Variants in ANP32A observed in about 807,000 individuals in gnomAD.
ANP32A encodes acidic nuclear phosphoprotein 32 family member A.
Under a neutral mutation model 33.9 loss-of-function variants are expected in ANP32A, and 1 was observed. The observed-to-expected ratio is 0.03, with a 90% confidence interval of 0.01 to 0.14. The LOEUF is 0.14. Among genes scored for constraint, ANP32A ranks in the 10% least tolerant of loss-of-function variants. The pLI, the probability that ANP32A is intolerant of heterozygous loss-of-function variation, is 1.00. For synonymous variants in ANP32A, 115 were observed against 120.5 expected (o/e 0.95, Z 0.30); for missense variants, 155 against 306.0 (o/e 0.51, Z 3.68).
chr15:68,818,589 C>A (rs1189472686), intron 1 of ANP32A, among the ~76,000 whole-genome samples: 1 of 151,906 alleles, frequency 6.6e-6, no homozygotes, highest in East Asian at 2.0e-4. Context: ...AGAAATCGCT[C>A]CCAGTACGGC....
At chr15:68,783,359 G>C (rs1046008939) in intron 4 of ANP32A, among the ~76,000 whole-genome samples, 1 of 151,796 alleles carries the variant, frequency 6.6e-6, no homozygotes, top group Non-Finnish European at 1.5e-5. Context: ...TCCAGGGCCC[G>C]GGAAAGCGGC....
rs558067552 is a variant in ANP32A, at chr15:68,797,450, G to A, written c.55-9531C>T. Among the ~76,000 whole-genome samples the A allele has an allele frequency of 1.1e-4, 17 of 152,272 alleles. No homozygotes were observed. The South Asian group carries it at 3.5e-3, about 32-fold the overall frequency. ...AAGACCAAGGCCTAGAGAGCAAAGAGGGTAAATCCTGCTCAATCTTCCTAA... is the reference window on the plus strand; with the variant it reads ...AAGACCAAGGCCTAGAGAGCAAAGAAGGTAAATCCTGCTCAATCTTCCTAA... On this transcript the variant is annotated intron_variant, in intron 1 of 6. Transcript: ENST00000465139.
At chr15:68,786,252 C>CTTTTT (rs558065991) in intron 3 of ANP32A, among the ~76,000 whole-genome samples, 6 of 90,128 alleles carry the variant, frequency 6.7e-5, no homozygotes, top group Non-Finnish European at 1.1e-4. Context: ...GCTGCTGCTG[C>CTTTTT]TTTTTTTTTT....
At chr15:68,805,334 C>A (rs1894203215) in intron 1 of ANP32A, among the ~76,000 whole-genome samples, 1 of 152,260 alleles carries the variant, frequency 6.6e-6, no homozygotes, top group Non-Finnish European at 1.5e-5. Context: ...TCCAGGCAGT[C>A]AGCCGTTGCC....
At chr15:68,793,167 C>A (rs917991156) in intron 1 of ANP32A, among the ~76,000 whole-genome samples, 2 of 152,212 alleles carry the variant, frequency 1.3e-5, no homozygotes, top group African/African-American at 4.8e-5. Flanking sequence ...CGTAATCAGC[C>A]TACCAGGGAG....
At chr15:68,786,324 A>G (rs1323860028) in intron 3 of ANP32A, among the ~76,000 whole-genome samples, 2 of 136,524 alleles carry the variant, frequency 1.5e-5, no homozygotes, top group Non-Finnish European at 3.0e-5. Flanking sequence ...CAGTGACGCG[A>G]TCTCAGCTCA....
intron 1 of ANP32A, among the ~76,000 whole-genome samples, chr15:68,805,530 C>G (rs896161509): frequency 6.6e-6 from 1 of 152,202 alleles, no homozygotes; most frequent in Non-Finnish European, 1.5e-5. Context: ...GGGCTGGAGC[C>G]CAAGGCTGGT....
intron 1 of ANP32A, among the ~76,000 whole-genome samples, chr15:68,802,457 T>C (rs1429019728): frequency 1.3e-5 from 2 of 152,208 alleles, no homozygotes; most frequent in Non-Finnish European, 2.9e-5. Flanking sequence ...CTACATAGTG[T>C]GTCATCATTT....
intron 4 of ANP32A, among the ~76,000 whole-genome samples, chr15:68,783,974 C>CCCCT (rs1333960299): frequency 3.3e-5 from 5 of 152,126 alleles, no homozygotes; most frequent in African/African-American, 7.2e-5. Flanking sequence ...CTCTCTCTAT[C>CCCCT]CCCTCCCTCC....
chr15:68,816,808 A>C (rs1156244084), intron 1 of ANP32A, among the ~76,000 whole-genome samples: 1 of 152,154 alleles, frequency 6.6e-6, no homozygotes, highest in Non-Finnish European at 1.5e-5. Context: ...GCCCATCTTC[A>C]TCATGGAGCC....
chr15:68,809,714 C>T (rs529381716), intron 1 of ANP32A, among the ~76,000 whole-genome samples: 6 of 151,144 alleles, frequency 4.0e-5, no homozygotes, highest in Admixed American at 2.0e-4. Context: ...TGAAGGTGTG[C>T]GCTTCGTTTC....
intron 1 of ANP32A, among the ~76,000 whole-genome samples, chr15:68,818,494 C>T (rs1894421017): frequency 6.6e-6 from 1 of 152,222 alleles, no homozygotes; most frequent in South Asian, 2.1e-4. Flanking sequence ...AGTGCCCCCT[C>T]CTCCGCCACC....
chr15:68,815,006 G>A (rs1477883773), intron 1 of ANP32A, among the ~76,000 whole-genome samples: 1 of 152,200 alleles, frequency 6.6e-6, no homozygotes, highest in African/African-American at 2.4e-5. Flanking sequence ...AAGAATTTCA[G>A]CTGGCTATAC....
chr15:68,807,037 A>G (rs929091455), intron 1 of ANP32A, among the ~76,000 whole-genome samples: 2 of 152,248 alleles, frequency 1.3e-5, no homozygotes, highest in Admixed American at 1.3e-4. Context: ...CTGACCAGAC[A>G]GAGAGAAAGC....
At chr15:68,793,722 G>A (rs1468370662) in intron 1 of ANP32A, among the ~76,000 whole-genome samples, 4 of 152,176 alleles carry the variant, frequency 2.6e-5, no homozygotes, top group Admixed American at 1.3e-4. Context: ...TATATCAAAA[G>A]CCAGGACTGG....
chr15:68,795,677 A>C (rs1337827705), intron 1 of ANP32A, among the ~76,000 whole-genome samples: 3 of 152,196 alleles, frequency 2.0e-5, no homozygotes. Context: ...AGTACTCCGC[A>C]GGCTGGGGTG....
chr15:68,787,809 G>A lies in ANP32A; in HGVS notation c.165C>T (p.Thr55=), dbSNP rs755371580. The A allele has an allele frequency of 7.4e-6, 12 of 1,613,994 alleles. No homozygotes were observed. Among genetic ancestry groups the A allele is most frequent in the Non-Finnish European group, 9.3e-6 (11 of 1,180,014 alleles). ...TTAACTTTGGTAAGTTTGCGATTGA[G>A]GTGAGGCCTACGTTGATTGTACTTA... The part of the protein sequence containing the change: ...EFLSTINVGL[T]SIANLPKLNK... The change falls in exon 2 of 7, where the codon ACC becomes ACT. Residue 55 remains threonine, a synonymous_variant. Transcript: ENST00000465139.
intron 1 of ANP32A, among the ~76,000 whole-genome samples, chr15:68,819,332 G>C (rs368840827): frequency 6.6e-6 from 1 of 152,338 alleles, no homozygotes; most frequent in East Asian, 1.9e-4. Context: ...ACTCAGGTTT[G>C]AAAGCGAGAG....
At chr15:68,820,647 C>CAG in intron 1 of ANP32A, 51 bp downstream of exon 1, 1 of 1,570,196 alleles carries the variant, frequency 6.4e-7, no homozygotes, top group Non-Finnish European at 8.7e-7. Context: ...CACACACACA[C>CAG]ACACAAAGTA....
Sources: gnomAD v4.1 joint callset for allele counts (sites outside exome capture counted in the v4.1 genomes callset) on GRCh38, gnomAD v4.1.1 for gene constraint, MANE v1.5 for transcripts, NCBI Gene and HGNC (gene_info 2026-07-23, HGNC 2026-07-21) for gene names.